Variants in SLC25A30 observed in about 807,000 individuals in gnomAD.
SLC25A30 encodes the protein kidney mitochondrial carrier protein 1.
In SLC25A30, 29 loss-of-function variants were observed where a neutral mutation model predicts 42.7. That is an observed-to-expected ratio of 0.68 (90% CI 0.51 to 0.93). The LOEUF (loss-of-function observed/expected upper bound fraction) is 0.93, where lower values mean the gene tolerates loss of function less well. Ranked by LOEUF, SLC25A30 falls within the 40% of genes least tolerant of loss-of-function variation. The pLI is 0.00. For synonymous variants in SLC25A30, 124 were observed against 131.0 expected, an observed-to-expected ratio of 0.95 and a Z score of 0.37; for missense variants, 300 against 359.7, an observed-to-expected ratio of 0.83 and a Z score of 1.34.
chr13:45,402,395 A>G (rs1294578227), intron 5 of SLC25A30, 25 bp from the exon 6 acceptor site: 2 of 1,588,954 alleles, frequency 1.3e-6, no homozygotes, highest in South Asian at 1.1e-5. Context: ...AAAGACCAAC[A>G]TCAGAAAGAA....
At chr13:45,423,768 A>T in the SLC25A30 span, among the ~76,000 whole-genome samples, 1 of 78,992 alleles carries the variant, frequency 1.3e-5, no homozygotes, top group African/African-American at 5.9e-5. Context: ...AAATATATAA[A>T]AATATATAAA....
At chr13:45,431,020 C>T in the SLC25A30 span, among the ~76,000 whole-genome samples, 1 of 151,910 alleles carries the variant, frequency 6.6e-6, no homozygotes, top group African/African-American at 2.4e-5. Context: ...GTAAACACCA[C>T]CCGACAATTG....
At chr13:45,423,807 T>TCTATAA in the SLC25A30 span, among the ~76,000 whole-genome samples, 1 of 44,140 alleles carries the variant, frequency 2.3e-5, no homozygotes, top group Non-Finnish European at 4.7e-5. Context: ...TATATTTATA[T>TCTATAA]ATATAAAAAT....
chr13:45,396,492 T>G (rs573885847), intron 9 of SLC25A30: 1 of 382,112 alleles, frequency 2.6e-6, no homozygotes, highest in South Asian at 9.6e-5. Flanking sequence ...ATTAACTGCC[T>G]CACGGGCGCG....
chr13:45,405,851 T>C, intron 4 of SLC25A30, 32 bp downstream of exon 4: 12 of 1,603,660 alleles, frequency 7.5e-6, no homozygotes, highest in East Asian at 2.2e-5. Flanking sequence ...ACCAACCTCC[T>C]GTCCACAGTG....
At chr13:45,422,445 G>A (rs1336635030), upstream of SLC25A30, among the ~76,000 whole-genome samples, 1 of 152,140 alleles carries the variant, frequency 6.6e-6, no homozygotes, top group Non-Finnish European at 1.5e-5. Flanking sequence ...GGATAGGCCA[G>A]TGTTCCTAGC....
At chr13:45,424,937 T>C in the SLC25A30 span, among the ~76,000 whole-genome samples, 4 of 60,802 alleles carry the variant, frequency 6.6e-5, 1 homozygote, top group African/African-American at 3.5e-4. Context: ...TATATAAATA[T>C]TTAAATAAAT....
At chr13:45,411,684 G>C in intron 1 of SLC25A30, 1 of 478,666 alleles carries the variant, frequency 2.1e-6, no homozygotes, top group East Asian at 3.8e-5. Flanking sequence ...CTTTATCAGT[G>C]ATCTTAATTT....
At chr13:45,410,279 C>T (rs1280223770) in intron 2 of SLC25A30, among the ~76,000 whole-genome samples, 1 of 152,222 alleles carries the variant, frequency 6.6e-6, no homozygotes, top group African/African-American at 2.4e-5. Flanking sequence ...AGGGAACACC[C>T]TTGAGCTTCT....
At chr13:45,424,617 A>C in the SLC25A30 span, among the ~76,000 whole-genome samples, 1 of 72,752 alleles carries the variant, frequency 1.4e-5, no homozygotes, top group Non-Finnish European at 2.5e-5. Flanking sequence ...AAATATATAT[A>C]AATATATATA....
upstream of SLC25A30, among the ~76,000 whole-genome samples, chr13:45,419,235 TA>T (rs2137713598): frequency 6.7e-6 from 1 of 149,168 alleles, no homozygotes; most frequent in South Asian, 2.1e-4. Flanking sequence ...AATATACATA[TA>T]TGTAAATATT....
At chr13:45,420,732 G>A (rs35200401), upstream of SLC25A30, among the ~76,000 whole-genome samples, 21,114 of 151,916 alleles carry the variant, frequency 0.14, 1,753 homozygotes, top group African/African-American at 0.23. Flanking sequence ...ACAGGGTCTC[G>A]CTCTGTCACC....
chr13:45,424,546 TATATAA>T, the SLC25A30 span, among the ~76,000 whole-genome samples: 8 of 65,482 alleles, frequency 1.2e-4, no homozygotes, highest in African/African-American at 1.7e-4. Context: ...AATATATAAA[TATATAA>T]ATATATATAA....
At chr13:45,405,180 TC>T (rs1882383401) in intron 4 of SLC25A30, among the ~76,000 whole-genome samples, 1 of 152,120 alleles carries the variant, frequency 6.6e-6, no homozygotes, top group Non-Finnish European at 1.5e-5. Context: ...CGCCTCAGCC[TC>T]CCCAAAGCAC....
chr13:45,394,131 G>A lies in SLC25A30; in HGVS notation c.*1843C>T. On this transcript the variant is annotated 3_prime_UTR_variant, in exon 10 of 10. Transcript: ENST00000519676. ...AATCCTAAGGTGTAGTTTAGAACAA[G>A]CAGCAAGGCCTGAATGAGCTCTGGG... 1.0e-6 allele frequency: 1 copy of A among 985,336 alleles called. No homozygotes were observed. The highest frequency in any genetic ancestry group is 1.2e-6 in the Non-Finnish European group (1 of 829,906). 61.0% of individuals were successfully genotyped at this position (985,336 alleles called of 1,614,324 possible).
Position 45,395,565 on chromosome 13 carries a change from C to T in SLC25A30, c.*409G>A, listed in dbSNP as rs1881243160. 3 of 1,080,262 alleles carry T rather than the reference C, an allele frequency of 2.8e-6. No individual in the cohort carries two copies. The highest frequency in any genetic ancestry group is 6.9e-5 in the East Asian group (1 of 14,398). The allele number at this position is 1,080,262 out of a possible 1,614,324, so 66.9% of individuals were successfully genotyped here. Reference sequence around the variant, plus strand: ...AAATTCAGAAACCATAACACCTTCTCGGAGGCTCCATTCCATGGTTCCAGT... The same window carrying T: ...AAATTCAGAAACCATAACACCTTCTTGGAGGCTCCATTCCATGGTTCCAGT... On this transcript the variant is annotated 3_prime_UTR_variant, in exon 10 of 10. Coordinates refer to ENST00000519676, the MANE Select transcript of SLC25A30 (RefSeq NM_001010875.4).
chr13:45,425,477 C>CTTAT, the SLC25A30 span, among the ~76,000 whole-genome samples: 1 of 96,498 alleles, frequency 1.0e-5, no homozygotes, highest in Non-Finnish European at 1.9e-5. Context: ...TATATATAAG[C>CTTAT]ATATATAAAT....
intron 1 of SLC25A30, among the ~76,000 whole-genome samples, chr13:45,414,577 A>G (rs1322466406): frequency 3.3e-5 from 5 of 151,892 alleles, no homozygotes; most frequent in Non-Finnish European, 4.4e-5. Context: ...AGATCTTGAC[A>G]CTGCATTCCA....
rs78729645 is a variant in SLC25A30, at chr13:45,397,842, G to A, written c.754-504C>T. 524 of 972,204 alleles carry A rather than the reference G, an allele frequency of 5.4e-4. 4 individuals are homozygous for A. The South Asian group carries it at 0.015, about 28-fold the overall frequency. The allele number at this position is 972,204 out of a possible 1,614,324, so 60.2% of individuals were successfully genotyped here. Reference sequence around the variant, plus strand: ...GGCTCCATGCCCAACAACCCCACACGAAGGATTGAATGAACTCCACACAAA... The same window carrying A: ...GGCTCCATGCCCAACAACCCCACACAAAGGATTGAATGAACTCCACACAAA... On this transcript the variant is annotated intron_variant, in intron 8 of 9. Transcript: ENST00000519676.
Sources: gnomAD v4.1 joint callset for allele counts (sites outside exome capture counted in the v4.1 genomes callset) on GRCh38, gnomAD v4.1.1 for gene constraint, MANE v1.5 for transcripts, NCBI Gene and HGNC (gene_info 2026-07-23, HGNC 2026-07-21) for gene names.